Variants in PHF24 observed in about 807,000 individuals in gnomAD.
PHF24 encodes Galpha inhibitory interacting protein.
PHF24 carries 25 observed loss-of-function variants against 42.6 expected under a neutral mutation model. The ratio of observed to expected loss-of-function variants is 0.59; its 90% confidence interval spans 0.43 to 0.82. The LOEUF is 0.82. PHF24 is among the 40% of genes least tolerant of loss of function. PHF24 has a pLI of 0.00. For missense variants in PHF24, 470 were observed against 538.1 expected (o/e 0.87, Z 1.25); for synonymous variants, 185 against 204.8 (o/e 0.90, Z 0.83).
At chr9:34,821,166 A>G in the PHF24 span, among the ~76,000 whole-genome samples, 2 of 152,228 alleles carry the variant, frequency 1.3e-5, no homozygotes, top group South Asian at 2.1e-4. Context: ...GAACATTTAC[A>G]TTTAAGGTAA....
the PHF24 span, among the ~76,000 whole-genome samples, chr9:34,745,302 A>G: frequency 1.3e-5 from 2 of 152,176 alleles, no homozygotes; most frequent in Non-Finnish European, 2.9e-5. Context: ...TTGGTGAGCC[A>G]TGGTCAAGAG....
the PHF24 span, among the ~76,000 whole-genome samples, chr9:34,696,474 A>G: frequency 1.4e-5 from 2 of 144,276 alleles, no homozygotes; most frequent in African/African-American, 5.2e-5. Flanking sequence ...GCGACAGAGC[A>G]AGACTCCATC....
chr9:34,825,015 G>C, the PHF24 span, among the ~76,000 whole-genome samples: 3 of 152,176 alleles, frequency 2.0e-5, no homozygotes, highest in African/African-American at 7.2e-5. Context: ...GGTCGATAGG[G>C]GTGGGATTGT....
At chr9:34,875,997 A>C in the PHF24 span, among the ~76,000 whole-genome samples, 1 of 122,900 alleles carries the variant, frequency 8.1e-6, no homozygotes, top group Non-Finnish European at 1.8e-5. Context: ...CACTCCTTCC[A>C]AGTCCCTAGC....
At chr9:34,976,607 C>A (rs1327534671) in exon 5 of PHF24, 2 of 1,614,174 alleles carry the variant, frequency 1.2e-6, no homozygotes, top group Admixed American at 1.7e-5. Flanking sequence ...CGTGACAGGG[C>A]CCTGAGTGAG....
At chr9:34,756,327 G>A in the PHF24 span, among the ~76,000 whole-genome samples, 10 of 152,210 alleles carry the variant, frequency 6.6e-5, no homozygotes, top group East Asian at 1.5e-3. Flanking sequence ...CCGAACTCCC[G>A]ACCTCAGGTG....
the PHF24 span, among the ~76,000 whole-genome samples, chr9:34,886,580 T>C: frequency 1.3e-5 from 2 of 152,214 alleles, no homozygotes; most frequent in African/African-American, 4.8e-5. Flanking sequence ...CTAGCTTTCC[T>C]CCTGTCTTGC....
the PHF24 span, chr9:34,690,119 G>A: frequency 6.3e-7 from 1 of 1,586,632 alleles, no homozygotes; most frequent in South Asian, 1.1e-5. Context: ...TGAAGGGGTT[G>A]GGCTTGGCAT....
At chr9:34,837,287 CTT>C in the PHF24 span, among the ~76,000 whole-genome samples, 1 of 152,158 alleles carries the variant, frequency 6.6e-6, no homozygotes, top group Non-Finnish European at 1.5e-5. Context: ...TGAATCATGA[CTT>C]GTTCTTCTGT....
the PHF24 span, among the ~76,000 whole-genome samples, chr9:34,762,815 G>A: frequency 2.6e-5 from 4 of 152,190 alleles, no homozygotes; most frequent in Admixed American, 6.5e-5. Flanking sequence ...TTCTTCTAGG[G>A]TTTTTATGGT....
At chr9:34,931,447 G>T in the PHF24 span, among the ~76,000 whole-genome samples, 1 of 151,154 alleles carries the variant, frequency 6.6e-6, no homozygotes, top group African/African-American at 2.4e-5. Context: ...GGGGGTTGAG[G>T]GATAAAAGAC....
At chr9:34,673,660 C>T in the PHF24 span, among the ~76,000 whole-genome samples, 22 of 149,254 alleles carry the variant, frequency 1.5e-4, no homozygotes, top group Non-Finnish European at 2.5e-4. Flanking sequence ...CTCGCTCTGT[C>T]GCCCAGGCTG....
At chr9:34,889,480 C>T in the PHF24 span, 1 of 398,640 alleles carries the variant, frequency 2.5e-6, no homozygotes. Flanking sequence ...TCTTTGGTGA[C>T]AGTTGGACTC....
the PHF24 span, among the ~76,000 whole-genome samples, chr9:34,913,102 G>A: frequency 1.4e-4 from 21 of 151,506 alleles, no homozygotes; most frequent in Admixed American, 9.9e-4. Context: ...ACCAATCCAC[G>A]AACTTGAATT....
the PHF24 span, among the ~76,000 whole-genome samples, chr9:34,721,802 T>C: frequency 6.6e-6 from 1 of 152,238 alleles, no homozygotes; most frequent in Non-Finnish European, 1.5e-5. Context: ...GATCTCTGTG[T>C]GGCTAAATCT....
chr9:34,908,886 C>T, the PHF24 span, among the ~76,000 whole-genome samples: 5 of 141,792 alleles, frequency 3.5e-5, no homozygotes, highest in African/African-American at 1.1e-4. Flanking sequence ...CTCACGTCGT[C>T]GCCTGGGCTG....
At chr9:34,756,136 G>A in the PHF24 span, among the ~76,000 whole-genome samples, 2 of 152,048 alleles carry the variant, frequency 1.3e-5, no homozygotes, top group Non-Finnish European at 2.9e-5. Context: ...TTTCGCTCTT[G>A]TTGCCCAGGC....
chr9:34,804,509 T>A, the PHF24 span, among the ~76,000 whole-genome samples: 1 of 152,198 alleles, frequency 6.6e-6, no homozygotes, highest in Non-Finnish European at 1.5e-5. Context: ...TAGTTGACAT[T>A]TATTAAATAT....
chr9:34,765,244 C>T, the PHF24 span, among the ~76,000 whole-genome samples: 1 of 151,992 alleles, frequency 6.6e-6, no homozygotes, highest in Non-Finnish European at 1.5e-5. Flanking sequence ...AGTTCAATTC[C>T]TGGGTATCCT....
Sources: gnomAD v4.1 joint callset for allele counts (sites outside exome capture counted in the v4.1 genomes callset) on GRCh38, gnomAD v4.1.1 for gene constraint, MANE v1.5 for transcripts, NCBI Gene and HGNC (gene_info 2026-07-23, HGNC 2026-07-21) for gene names.